The following TJAP1 variants were observed in gnomAD, a reference collection of about 807,000 sequenced individuals.
TJAP1 encodes the protein tight junction-associated protein 1.
A neutral mutation model predicts 42.0 loss-of-function variants in TJAP1; 27 were observed. The observed-to-expected ratio is 0.64, with a 90% CI of 0.47 to 0.89. The LOEUF is 0.89. Ranked by LOEUF, TJAP1 falls within the 40% of genes least tolerant of loss-of-function variation. The pLI is 0.00. For missense variants in TJAP1, 712 were observed against 726.9 expected (o/e 0.98, Z 0.24); for synonymous variants, 257 against 288.4 (o/e 0.89, Z 1.10).
intron 10 of TJAP1, chr6:43,504,495 T>TA (rs1019715693): frequency 1.9e-6 from 1 of 522,516 alleles, no homozygotes; most frequent in Non-Finnish European, 3.4e-6. Flanking sequence ...AGCTGGGAGA[T>TA]AGAAGTTTGA....
chr6:43,502,249 A>ACC, intron 6 of TJAP1, 34 bp from the exon 7 acceptor site: 2 of 1,611,618 alleles, frequency 1.2e-6, no homozygotes, highest in Non-Finnish European at 1.7e-6. Flanking sequence ...CAGGATCTTG[A>ACC]CCCAGGGATG....
chr6:43,505,499 CCT>C lies in TJAP1; in HGVS notation c.1319_1320del (p.Pro440ArgfsTer9), dbSNP rs777122156. On this transcript the variant is annotated frameshift_variant, in exon 11 of 11. Coordinates refer to ENST00000372449, the Ensembl canonical transcript of TJAP1. LOFTEE classifies it low-confidence loss of function (END_TRUNC). This position sits in a 1 kb window ranked among gnomAD's most constrained non-coding sequence, Gnocchi z 5.5. ...CACAGCCTTTGGACGCGATGCCCTC[CCT>C]GAGCTGCAGCGCCATTTTGCCCATA... The C allele has an allele frequency of 1.2e-6, 2 of 1,613,924 alleles. No individual in the cohort carries two copies. The highest frequency in any genetic ancestry group is 4.5e-5 in the East Asian group (2 of 44,888).
intron 2 of TJAP1, among the ~76,000 whole-genome samples, chr6:43,481,783 T>C (rs1268972483): frequency 4.6e-5 from 7 of 152,112 alleles, no homozygotes; most frequent in Non-Finnish European, 1.5e-5. Context: ...TTGACTGGCT[T>C]TCCTTTGCCC....
At position 43,505,803 on chromosome 6, in the gene TJAP1, A is replaced by T; in HGVS notation, c.1622A>T (p.His541Leu). ...AAGAGGATGGGGGTTCACCACCTGC[A>T]CCGCAAGGACAGCCTGACCCAGGCC... is the stretch of plus-strand genomic sequence containing the variant. Residue 541 changes from histidine to leucine, a missense_variant, in exon 11 of 11, where the codon CAC (histidine) becomes CTC (leucine). This residue lies in a region of TJAP1 where 549 missense variants were observed against 528.2 expected (regional missense o/e 1.04). Coordinates refer to ENST00000372449, the Ensembl canonical transcript of TJAP1. The surrounding 1 kb of genome is among the most constrained non-coding windows in gnomAD (Gnocchi z 5.5). The T allele has an allele frequency of 6.7e-7, 1 of 1,501,148 alleles. No individual in the cohort carries two copies. The highest frequency in any genetic ancestry group is 1.4e-5 in the South Asian group (1 of 73,968). The allele number at this position is 1,501,148 out of a possible 1,614,324, so 93.0% of individuals were successfully genotyped here. A position where few individuals can be genotyped will look rare whatever the true frequency, so the allele number is the denominator to read the frequency against.
At chr6:43,488,678 G>A (rs1048514339) in intron 2 of TJAP1, among the ~76,000 whole-genome samples, 1 of 152,180 alleles carries the variant, frequency 6.6e-6, no homozygotes, top group African/African-American at 2.4e-5. Flanking sequence ...AGACCCAGTT[G>A]GTGTTTTTGT....
chr6:43,505,761 G>A lies in TJAP1; in HGVS notation c.1580G>A (p.Arg527His), dbSNP rs1158809518. The A allele has an allele frequency of 7.9e-6, 12 of 1,517,956 alleles. No individual in the cohort carries two copies. Among genetic ancestry groups the A allele is most frequent in the Non-Finnish European group, 1.1e-5 (12 of 1,137,578 alleles). The allele number at this position is 1,517,956 out of a possible 1,614,324, so 94.0% of individuals were successfully genotyped here. Residue 527 changes from arginine (R) to histidine (H), a missense_variant, in exon 11 of 11, where the codon CGC (arginine) becomes CAC (histidine). Coordinates refer to ENST00000372449, the Ensembl canonical transcript of TJAP1. The surrounding 1 kb of genome is among the most constrained non-coding windows in gnomAD (Gnocchi z 5.5). The stretch of plus-strand genomic sequence containing the variant: ...GCCTGGCCACTCCCCAGCTCCAGTC[G>A]CCCCCAGCGCAGCCCCAAGAGGATG...
chr6:43,499,868 C>T (rs1049113433), intron 4 of TJAP1, among the ~76,000 whole-genome samples: 1 of 152,222 alleles, frequency 6.6e-6, no homozygotes, highest in Non-Finnish European at 1.5e-5. Flanking sequence ...GTTCAGGGAA[C>T]ATTAAATTAA....
chr6:43,483,486 C>T (rs1331494924), intron 2 of TJAP1, among the ~76,000 whole-genome samples: 1 of 152,228 alleles, frequency 6.6e-6, no homozygotes, highest in Non-Finnish European at 1.5e-5. Context: ...TGGTCCCCTG[C>T]AGCACTTTCT....
At chr6:43,500,849 T>G (rs1345276540) in intron 5 of TJAP1, 77 bp downstream of exon 5, 20 of 1,556,082 alleles carry the variant, frequency 1.3e-5, no homozygotes, top group Non-Finnish European at 1.7e-5. Flanking sequence ...GTTGGTACAG[T>G]TGGACTTTCC....
At chr6:43,499,276 A>C in intron 4 of TJAP1, 176 bp downstream of exon 4, 18 of 875,744 alleles carry the variant, frequency 2.1e-5, no homozygotes, top group Non-Finnish European at 2.9e-5. Flanking sequence ...ATGTAGGCTC[A>C]AGGGGGACTG....
At chr6:43,497,705 G>C (rs1273174625) in intron 2 of TJAP1, 176 bp from the exon 3 acceptor site, 1 of 152,290 alleles carries the variant, frequency 6.6e-6, no homozygotes, top group Non-Finnish European at 1.5e-5. Context: ...CAGGAACCCA[G>C]TGCTTCCAGT....
chr6:43,485,896 G>A (rs1324206430), intron 2 of TJAP1, among the ~76,000 whole-genome samples: 1 of 152,054 alleles, frequency 6.6e-6, no homozygotes, highest in Non-Finnish European at 1.5e-5. Context: ...TTATTTTCCA[G>A]GATTGCATTC....
intron 3 of TJAP1, among the ~76,000 whole-genome samples, chr6:43,498,491 A>T (rs1033860022): frequency 3.3e-5 from 5 of 152,336 alleles, no homozygotes; most frequent in Middle Eastern, 3.4e-3. Flanking sequence ...TCGAGGCTGC[A>T]GTGAGCCAAG....
chr6:43,503,283 G>C (rs184047723), intron 8 of TJAP1, 118 bp from the exon 9 acceptor site: 1 of 718,764 alleles, frequency 1.4e-6, no homozygotes, highest in Non-Finnish European at 2.5e-6. Context: ...TCTCTGCTCT[G>C]TCCGCCTTGG....
chr6:43,490,756 G>A (rs1045951927), intron 2 of TJAP1, among the ~76,000 whole-genome samples: 2 of 152,208 alleles, frequency 1.3e-5, no homozygotes, highest in African/African-American at 4.8e-5. Flanking sequence ...GTTTCTGGTG[G>A]ACTTTAGCCA....
At chr6:43,480,232 G>C (rs1425526528) in intron 2 of TJAP1, among the ~76,000 whole-genome samples, 2 of 152,218 alleles carry the variant, frequency 1.3e-5, no homozygotes, top group Admixed American at 1.3e-4. Context: ...TGAACCTGCT[G>C]TCTCTTTATA....
intron 10 of TJAP1, chr6:43,504,550 A>C (rs1218516307): frequency 9.2e-6 from 6 of 653,086 alleles, no homozygotes; most frequent in Non-Finnish European, 1.6e-5. Flanking sequence ...AATCTTGGCC[A>C]AGTTAACCAA....
chr6:43,480,379 T>C (rs1785056006), intron 2 of TJAP1, among the ~76,000 whole-genome samples: 1 of 152,242 alleles, frequency 6.6e-6, no homozygotes, highest in Non-Finnish European at 1.5e-5. Context: ...TGCCAGTGAT[T>C]TCCTGTTTGA....
intron 2 of TJAP1, among the ~76,000 whole-genome samples, chr6:43,484,147 ATGGTGCC>A (rs1472939650): frequency 6.6e-6 from 1 of 152,026 alleles, no homozygotes; most frequent in Non-Finnish European, 1.5e-5. Context: ...AGCATATAGC[ATGGTGCC>A]TGGCATATAA....
Sources: gnomAD v4.1 joint callset for allele counts (sites outside exome capture counted in the v4.1 genomes callset) on GRCh38, gnomAD v4.1.1 for gene constraint, gnomAD v4.1.1 regional missense constraint, Gnocchi (gnomAD v3.1) non-coding constraint, MANE v1.5 for transcripts, NCBI Gene and HGNC (gene_info 2026-07-23, HGNC 2026-07-21) for gene names.